AK9: variants seen among roughly 807,000 people sequenced by gnomAD.
AK9 encodes adenylate kinase 9, also known as adenylate kinase domain containing 1.
AK9 carries 191 observed loss-of-function variants against 239.6 expected under a neutral mutation model. That is an observed-to-expected ratio of 0.80 (90% CI 0.71 to 0.90). The LOEUF (loss-of-function observed/expected upper bound fraction) is 0.90. AK9 is among the 40% of genes least tolerant of loss of function. The pLI, the probability that AK9 is intolerant of heterozygous loss-of-function variation, is 0.00. For missense variants in AK9, 1,995 were observed against 2,214.7 expected (o/e 0.90, Z 1.99); for synonymous variants, 689 against 721.0 (o/e 0.96, Z 0.71).
At chr6:109,646,615 G>T (rs954510865) in intron 8 of AK9, among the ~76,000 whole-genome samples, 3 of 152,190 alleles carry the variant, frequency 2.0e-5, no homozygotes, top group Admixed American at 2.0e-4. Context: ...AAGTTTGATT[G>T]GTGTACCTGA....
intron 17 of AK9, among the ~76,000 whole-genome samples, chr6:109,602,483 C>A (rs1414276333): frequency 6.6e-6 from 1 of 152,182 alleles, no homozygotes; most frequent in African/African-American, 2.4e-5. Context: ...GTAACCCGAC[C>A]TTTCTCTCTG....
chr6:109,494,241 C>T lies in AK9; in HGVS notation c.5419-146G>A, dbSNP rs1582699765. 5 of 517,784 alleles carry T rather than the reference C, an allele frequency of 9.7e-6. No individual in the cohort carries two copies. In the East Asian group the frequency reaches 1.4e-4, roughly 15 times the overall value. 32.1% of individuals were successfully genotyped at this position (517,784 alleles called of 1,614,324 possible). On this transcript the variant is annotated intron_variant, in intron 39 of 40. Transcript: ENST00000424296. ...GGGGCTTATAAATATGGTTAGATGA[C>T]CAGTTAGCCAACAGGAAAGAAATAC...
At chr6:109,678,519 TATC>T (rs1772094647) in intron 1 of AK9, among the ~76,000 whole-genome samples, 1 of 152,160 alleles carries the variant, frequency 6.6e-6, no homozygotes. Context: ...TGCAAAATAT[TATC>T]ATAAGAGAAA....
chr6:109,519,335 T>C (rs1278621442), intron 29 of AK9, among the ~76,000 whole-genome samples: 1 of 152,228 alleles, frequency 6.6e-6, no homozygotes. Context: ...ATATACCCAG[T>C]AATGGGATTG....
At chr6:109,610,757 A>G (rs1793484665) in intron 16 of AK9, among the ~76,000 whole-genome samples, 1 of 152,210 alleles carries the variant, frequency 6.6e-6, no homozygotes, top group South Asian at 2.1e-4. Context: ...TGAAAGAGGC[A>G]AGAAGAAAGT....
chr6:109,624,746 T>C (rs1414253847), intron 12 of AK9, among the ~76,000 whole-genome samples: 1 of 152,226 alleles, frequency 6.6e-6, no homozygotes, highest in Admixed American at 6.5e-5. Flanking sequence ...TCTGGAAGCA[T>C]GTCCTTCAAT....
rs1192259874 is a variant in AK9, at chr6:109,588,396, T to C, written c.1843-2324A>G. Among the ~76,000 whole-genome samples the C allele has an allele frequency of 3.9e-5, 6 of 152,318 alleles. No homozygotes were observed. The East Asian group carries it at 7.7e-4, about 20-fold the overall frequency. On this transcript the variant is annotated intron_variant, in intron 17 of 40. Transcript: ENST00000424296. ...TTGCTGCCTTCTTGTATGTCTTCTT[T>C]TCAGAAATGTCTGTTCATGTCCTTG...
At chr6:109,560,570 G>T (rs1417579781) in intron 24 of AK9, among the ~76,000 whole-genome samples, 3 of 152,046 alleles carry the variant, frequency 2.0e-5, no homozygotes, top group Non-Finnish European at 4.4e-5. Flanking sequence ...TACATTGATT[G>T]CTTTTCAAAC....
rs112445030 is a variant in AK9, at chr6:109,583,585, C to A, written c.2114+1538G>T. Among the ~76,000 whole-genome samples the A allele has an allele frequency of 8.2e-3, 1,242 of 151,916 alleles. 25 individuals are homozygous for A. The highest frequency in any genetic ancestry group is 0.027 in the African/African-American group (1,103 of 41,452). Reference sequence around the variant, plus strand: ...AAAACTCATGTTGAATTTTAAAAATCAACATATAAAAACATAGAAAAGCCT... The same window carrying A: ...AAAACTCATGTTGAATTTTAAAAATAAACATATAAAAACATAGAAAAGCCT... On this transcript the variant is annotated intron_variant, in intron 19 of 40. Transcript: ENST00000424296.
chr6:109,632,824 T>C, intron 12 of AK9, 99 bp downstream of exon 12: 1 of 1,385,378 alleles, frequency 7.2e-7, no homozygotes, highest in Admixed American at 3.4e-5. Flanking sequence ...AATAAAATCC[T>C]ACAAATTATA....
chr6:109,591,889 G>A (rs1242603431), intron 17 of AK9, among the ~76,000 whole-genome samples: 5 of 151,266 alleles, frequency 3.3e-5, no homozygotes, highest in Non-Finnish European at 7.4e-5. Context: ...TTCACTGCCA[G>A]CACTCATTTG....
chr6:109,540,752 C>T (rs1381053656), intron 27 of AK9, among the ~76,000 whole-genome samples: 1 of 152,160 alleles, frequency 6.6e-6, no homozygotes, highest in Non-Finnish European at 1.5e-5. Flanking sequence ...GAGGTGCCTT[C>T]AGTCTGGTCT....
chr6:109,528,435 A>T, intron 29 of AK9: 1 of 404,206 alleles, frequency 2.5e-6, no homozygotes, highest in Non-Finnish European at 5.0e-6. Context: ...TGATGGACTG[A>T]ATGAATAAAT....
chr6:109,584,508 T>C (rs1306906335), intron 19 of AK9, among the ~76,000 whole-genome samples: 1 of 152,150 alleles, frequency 6.6e-6, no homozygotes, highest in Non-Finnish European at 1.5e-5. Context: ...ATTAGCAAAC[T>C]AAGTCATTGT....
chr6:109,528,896 A>G, intron 29 of AK9, 115 bp downstream of exon 29: 1 of 1,502,590 alleles, frequency 6.7e-7, no homozygotes, highest in Admixed American at 1.9e-5. Flanking sequence ...CTGAGGTGGG[A>G]GGATCCCTTG....
In AK9 at chr6:109,691,190, C is replaced by A. The variant is rs984029577; in HGVS notation, c.-55G>T. ...CTTCCTCTCTCGGCAGCACGCAGGT[C>A]CCGGGAGCCTCTACCCGACCTCTCT... is the stretch of plus-strand genomic sequence containing the variant. On this transcript the variant is annotated 5_prime_UTR_variant, in exon 1 of 41. Coordinates refer to ENST00000424296, the MANE Select transcript of AK9 (RefSeq NM_001145128.3). 6.8e-6 allele frequency: 4 copies of A among 584,734 alleles called. No homozygotes were observed. Among genetic ancestry groups the A allele is most frequent in the Non-Finnish European group, 1.2e-5 (4 of 326,358 alleles). The allele number at this position is 584,734 out of a possible 1,614,324, so 36.2% of individuals were successfully genotyped here.
At chr6:109,618,688 C>T (rs1794471300) in intron 13 of AK9, among the ~76,000 whole-genome samples, 1 of 152,116 alleles carries the variant, frequency 6.6e-6, no homozygotes. Flanking sequence ...TTAAATTAAT[C>T]TTTCCCAAAT....
chr6:109,540,284 A>G (rs1484727967), intron 27 of AK9, among the ~76,000 whole-genome samples: 1 of 152,078 alleles, frequency 6.6e-6, no homozygotes, highest in Non-Finnish European at 1.5e-5. Flanking sequence ...TTGTTTACCT[A>G]CTGCAGCCTC....
intron 21 of AK9, 112 bp from the exon 22 acceptor site, chr6:109,564,957 C>A: frequency 7.2e-6 from 5 of 690,664 alleles, no homozygotes; most frequent in Non-Finnish European, 6.6e-6. Context: ...TATGAAATGC[C>A]TAATAGAAAG....
Sources: gnomAD v4.1 joint callset for allele counts (sites outside exome capture counted in the v4.1 genomes callset) on GRCh38, gnomAD v4.1.1 for gene constraint, MANE v1.5 for transcripts, NCBI Gene and HGNC (gene_info 2026-07-23, HGNC 2026-07-21) for gene names.